Variants in ST8SIA4 observed in about 807,000 individuals in gnomAD.
ST8SIA4 encodes the protein CMP-N-acetylneuraminate-poly-alpha-2,8-sialyltransferase.
ST8SIA4 carries 15 observed loss-of-function variants against 33.9 expected under a neutral mutation model. The ratio of observed to expected loss-of-function variants is 0.44; its 90% confidence interval spans 0.30 to 0.68. ST8SIA4 has a LOEUF of 0.68. Ranked by LOEUF, ST8SIA4 falls within the 30% of genes least tolerant of loss-of-function variation. The pLI, the probability that ST8SIA4 is intolerant of heterozygous loss-of-function variation, is 0.10. For missense variants in ST8SIA4, 321 were observed against 428.0 expected (o/e 0.75, Z 2.21); for synonymous variants, 171 against 151.2 (o/e 1.13, Z -0.96).
chr5:100,869,654 T>TCAAA (rs1026868407), intron 3 of ST8SIA4, among the ~76,000 whole-genome samples: 2 of 152,064 alleles, frequency 1.3e-5, no homozygotes, highest in Non-Finnish European at 2.9e-5. Flanking sequence ...ACAACAAAAC[T>TCAAA]CAAACAAACA....
chr5:100,886,033 G>A (rs1023693818), intron 3 of ST8SIA4: 4 of 1,080,960 alleles, frequency 3.7e-6, no homozygotes, highest in Admixed American at 9.5e-5. Context: ...ATGAAGAAGA[G>A]ATACTAAGAA....
chr5:100,887,921 A>G (rs1478323484), intron 2 of ST8SIA4, among the ~76,000 whole-genome samples: 1 of 151,972 alleles, frequency 6.6e-6, no homozygotes, highest in African/African-American at 2.4e-5. Context: ...ATTGATTGGG[A>G]CCTTTTAAAT....
chr5:100,829,525 G>C (rs1365129486), intron 4 of ST8SIA4, among the ~76,000 whole-genome samples: 1 of 152,052 alleles, frequency 6.6e-6, no homozygotes, highest in Non-Finnish European at 1.5e-5. Flanking sequence ...CTATAATAGG[G>C]GAAAGGAAAG....
intron 4 of ST8SIA4, among the ~76,000 whole-genome samples, chr5:100,835,472 T>G (rs1248660077): frequency 6.6e-6 from 1 of 152,190 alleles, no homozygotes; most frequent in Non-Finnish European, 1.5e-5. Context: ...AAATGTGTAA[T>G]GCTATTAAAG....
intron 4 of ST8SIA4, among the ~76,000 whole-genome samples, chr5:100,853,437 A>G (rs927927364): frequency 6.6e-6 from 1 of 152,214 alleles, no homozygotes; most frequent in Non-Finnish European, 1.5e-5. Flanking sequence ...TTAAGAGGGT[A>G]TATGTAGATT....
intron 4 of ST8SIA4, among the ~76,000 whole-genome samples, chr5:100,839,976 A>G (rs1751438613): frequency 6.6e-6 from 1 of 151,536 alleles, no homozygotes; most frequent in Non-Finnish European, 1.5e-5. Flanking sequence ...ATATGTAAGC[A>G]TTAGCTACAT....
intron 4 of ST8SIA4, among the ~76,000 whole-genome samples, chr5:100,826,957 T>TGC (rs1491244930): frequency 7.5e-6 from 1 of 133,582 alleles, no homozygotes; most frequent in Non-Finnish European, 1.7e-5. Flanking sequence ...TATGTGTGTG[T>TGC]ATATACACAC....
intron 4 of ST8SIA4, among the ~76,000 whole-genome samples, chr5:100,824,240 A>C (rs557967038): frequency 6.6e-6 from 1 of 152,322 alleles, no homozygotes; most frequent in African/African-American, 2.4e-5. Context: ...TTCATGTATA[A>C]ACTGCTAAAA....
intron 3 of ST8SIA4, among the ~76,000 whole-genome samples, chr5:100,861,867 T>C (rs1417349477): frequency 2.6e-5 from 4 of 152,182 alleles, no homozygotes; most frequent in Non-Finnish European, 4.4e-5. Context: ...GGAACTGTAC[T>C]GGGAAAATTA....
intron 4 of ST8SIA4, among the ~76,000 whole-genome samples, chr5:100,832,733 C>A (rs535519534): frequency 7.9e-5 from 12 of 151,966 alleles, no homozygotes; most frequent in Non-Finnish European, 1.6e-4. Flanking sequence ...TTACATCATT[C>A]GAGGCCATCT....
At chr5:100,836,922 C>T (rs76484376) in intron 4 of ST8SIA4, among the ~76,000 whole-genome samples, 23,679 of 151,646 alleles carry the variant, frequency 0.16, 2,535 homozygotes, top group Non-Finnish European at 0.24. Context: ...AATACTCCCA[C>T]GTCACTTATC....
intron 1 of ST8SIA4, among the ~76,000 whole-genome samples, chr5:100,901,847 C>T (rs751684906): frequency 6.6e-6 from 1 of 151,766 alleles, no homozygotes; most frequent in Non-Finnish European, 1.5e-5. Flanking sequence ...GCAGTCCCAT[C>T]TCTCTCTCTC....
intron 4 of ST8SIA4, among the ~76,000 whole-genome samples, chr5:100,829,580 C>A (rs1270658199): frequency 6.6e-6 from 1 of 152,078 alleles, no homozygotes; most frequent in Non-Finnish European, 1.5e-5. Flanking sequence ...TGTGTATAAC[C>A]TCTAAAATTC....
At chr5:100,893,393 T>A (rs2112480456) in intron 2 of ST8SIA4, among the ~76,000 whole-genome samples, 1 of 152,300 alleles carries the variant, frequency 6.6e-6, no homozygotes, top group Admixed American at 6.5e-5. Context: ...GTATGTATTA[T>A]TCAACATTTG....
chr5:100,870,238 G>T (rs564106237), intron 3 of ST8SIA4, among the ~76,000 whole-genome samples: 1 of 152,066 alleles, frequency 6.6e-6, no homozygotes, highest in Non-Finnish European at 1.5e-5. Flanking sequence ...TCTTAATCCA[G>T]TCTATCATTG....
At chr5:100,875,769 C>G (rs1752291397) in intron 3 of ST8SIA4, among the ~76,000 whole-genome samples, 1 of 152,130 alleles carries the variant, frequency 6.6e-6, no homozygotes, top group African/African-American at 2.4e-5. Context: ...TATCTTTTAA[C>G]AGCTAATTTT....
chr5:100,813,838 A>G (rs1750861042), intron 4 of ST8SIA4, among the ~76,000 whole-genome samples: 1 of 152,066 alleles, frequency 6.6e-6, no homozygotes, highest in Non-Finnish European at 1.5e-5. Flanking sequence ...ATCTATTTAT[A>G]AATTTTTAAA....
intron 1 of ST8SIA4, chr5:100,900,385 C>T (rs1752878005): frequency 2.2e-6 from 1 of 456,032 alleles, no homozygotes; most frequent in Non-Finnish European, 4.4e-6. Flanking sequence ...CAAAACTGGC[C>T]TCTCCACGTG....
At chr5:100,890,455 G>A (rs1017806573) in intron 2 of ST8SIA4, 2 of 151,730 alleles carry the variant, frequency 1.3e-5, no homozygotes, top group African/African-American at 4.8e-5. Context: ...TTTAACAGCA[G>A]GTCAAACAAA....
Sources: gnomAD v4.1 joint callset for allele counts (sites outside exome capture counted in the v4.1 genomes callset) on GRCh38, gnomAD v4.1.1 for gene constraint, MANE v1.5 for transcripts, NCBI Gene and HGNC (gene_info 2026-07-23, HGNC 2026-07-21) for gene names.